The following PLCB4 variants were observed in gnomAD, a reference collection of about 807,000 sequenced individuals.
PLCB4 encodes 1-phosphatidylinositol 4,5-bisphosphate phosphodiesterase beta-4.
PLCB4 carries 77 observed loss-of-function variants against 178.8 expected under a neutral mutation model. The ratio of observed to expected loss-of-function variants is 0.43; its 90% CI spans 0.36 to 0.52. The LOEUF is 0.52. PLCB4 is among the 20% of genes least tolerant of loss of function. The probability of loss-of-function intolerance (pLI) is 0.00; values close to 1 mark genes in which losing one functional copy is unlikely to be tolerated. For missense variants in PLCB4, 1,024 were observed against 1,453.4 expected, an observed-to-expected ratio of 0.70 and a Z score of 4.80; for synonymous variants, 496 against 490.8, an observed-to-expected ratio of 1.01 and a Z score of -0.14.
intron 3 of PLCB4, among the ~76,000 whole-genome samples, chr20:9,282,906 C>G (rs2094506509): frequency 6.6e-6 from 1 of 151,970 alleles, no homozygotes; most frequent in Non-Finnish European, 1.5e-5. Flanking sequence ...ATGATAATCT[C>G]AGGGTTTCAA....
chr20:9,371,043 A>T lies in PLCB4; in HGVS notation c.504-171A>T, dbSNP rs111759328. 77 of 586,662 alleles carry T rather than the reference A, an allele frequency of 1.3e-4. 1 individual carries two copies. The highest frequency in any genetic ancestry group is 1.2e-3 in the African/African-American group (62 of 53,716). The allele number at this position is 586,662 out of a possible 1,614,324, so 36.3% of individuals were successfully genotyped here. On this transcript the variant is annotated intron_variant, in intron 9 of 39. Transcript: ENST00000378473. ...CTAACCAGCTCTGGGAACCAGAGGG[A>T]CACTGGAGGAACTAGTTTGGGAAAT...
At chr20:9,331,449 G>A (rs1408182302) in intron 4 of PLCB4, among the ~76,000 whole-genome samples, 1 of 151,886 alleles carries the variant, frequency 6.6e-6, no homozygotes, top group African/African-American at 2.4e-5. Flanking sequence ...GGAAGTGATG[G>A]CGAGAGAGAG....
intron 35 of PLCB4, 68 bp from the exon 36 acceptor site, chr20:9,468,503 C>G: frequency 1.1e-6 from 1 of 923,382 alleles, no homozygotes; most frequent in East Asian, 2.4e-5. Context: ...CCAGGTGAAT[C>G]TCTCTACCCA....
chr20:9,388,778 G>C (rs1285354225), intron 15 of PLCB4, among the ~76,000 whole-genome samples: 1 of 152,170 alleles, frequency 6.6e-6, no homozygotes, highest in Non-Finnish European at 1.5e-5. Context: ...TCTTAGCCAA[G>C]ATATTGGAGA....
intron 9 of PLCB4, among the ~76,000 whole-genome samples, chr20:9,370,457 G>T (rs192227369): frequency 1.9e-4 from 29 of 152,278 alleles, no homozygotes; most frequent in African/African-American, 6.5e-4. Flanking sequence ...ACAACTGAAG[G>T]CATGGATTGA....
chr20:9,099,378 A>G (rs552962958), intron 2 of PLCB4, among the ~76,000 whole-genome samples: 2 of 152,300 alleles, frequency 1.3e-5, no homozygotes, highest in South Asian at 4.1e-4. Flanking sequence ...TAAACAGTCC[A>G]TTTTCTTGTA....
At chr20:9,440,785 T>A (rs2042057554) in intron 30 of PLCB4, among the ~76,000 whole-genome samples, 1 of 152,040 alleles carries the variant, frequency 6.6e-6, no homozygotes, top group African/African-American at 2.4e-5. Context: ...AATGTTCCAG[T>A]GGGGTAGATA....
intron 2 of PLCB4, among the ~76,000 whole-genome samples, chr20:9,144,760 GA>G: frequency 1.2e-5 from 1 of 85,616 alleles, no homozygotes; most frequent in Non-Finnish European, 2.3e-5. Flanking sequence ...GGAAGGAGGG[GA>G]AGGAGGGGAA....
chr20:9,383,775 A>G (rs1426088256), intron 13 of PLCB4, among the ~76,000 whole-genome samples: 1 of 152,250 alleles, frequency 6.6e-6, no homozygotes, highest in African/African-American at 2.4e-5. Context: ...TCTCGTATCT[A>G]TTCTCATTTC....
At chr20:9,476,614 A>G (rs867743463) in intron 38 of PLCB4, 103 bp from the exon 39 acceptor site, 14 of 807,104 alleles carry the variant, frequency 1.7e-5, no homozygotes, top group Middle Eastern at 2.4e-4. Flanking sequence ...GCTTTTCTGT[A>G]TATGGTTTTG....
intron 7 of PLCB4, among the ~76,000 whole-genome samples, chr20:9,343,867 G>C (rs67577401): frequency 0.07 from 10,686 of 152,178 alleles, 416 homozygotes; most frequent in African/African-American, 0.094. Context: ...CACAAATACT[G>C]TTTGCTCTAC....
intron 7 of PLCB4, among the ~76,000 whole-genome samples, chr20:9,351,109 C>A (rs571173658): frequency 6.7e-6 from 1 of 150,130 alleles, no homozygotes; most frequent in South Asian, 2.1e-4. Flanking sequence ...AGACAGGTTT[C>A]TTTATGGTAG....
intron 3 of PLCB4, among the ~76,000 whole-genome samples, chr20:9,226,627 C>T (rs981682231): frequency 6.6e-6 from 1 of 152,126 alleles, no homozygotes; most frequent in African/African-American, 2.4e-5. Flanking sequence ...TGAGAATCTT[C>T]GTCCCCATTT....
intron 33 of PLCB4, among the ~76,000 whole-genome samples, chr20:9,457,028 A>G (rs759136460): frequency 3.9e-5 from 6 of 152,246 alleles, no homozygotes; most frequent in Non-Finnish European, 4.4e-5. Context: ...ATCTGGCTTT[A>G]TAATGAAATG....
chr20:9,356,495 C>T (rs1322150067), intron 7 of PLCB4, among the ~76,000 whole-genome samples: 2 of 152,142 alleles, frequency 1.3e-5, no homozygotes, highest in Non-Finnish European at 2.9e-5. Flanking sequence ...ACTGAATAGC[C>T]TTCATCTGTA....
At chr20:9,226,216 G>A (rs1172325812) in intron 3 of PLCB4, among the ~76,000 whole-genome samples, 2 of 152,170 alleles carry the variant, frequency 1.3e-5, no homozygotes, top group Non-Finnish European at 2.9e-5. Context: ...CTGGGAGGAG[G>A]CAATCCTCCT....
intron 2 of PLCB4, among the ~76,000 whole-genome samples, chr20:9,109,369 G>A (rs2146680360): frequency 6.6e-6 from 1 of 152,110 alleles, no homozygotes; most frequent in Middle Eastern, 3.4e-3. Flanking sequence ...TAGAATTTTA[G>A]CAGTCTCCCT....
intron 3 of PLCB4, among the ~76,000 whole-genome samples, chr20:9,298,937 A>G (rs950036021): frequency 2.0e-5 from 3 of 152,086 alleles, no homozygotes; most frequent in Non-Finnish European, 4.4e-5. Flanking sequence ...AGCAAAGGCC[A>G]TAGATTTCTT....
At chr20:9,365,328 T>C (rs1012160324) in intron 8 of PLCB4, 133 bp from the exon 9 acceptor site, 6 of 604,466 alleles carry the variant, frequency 9.9e-6, no homozygotes, top group African/African-American at 9.3e-5. Flanking sequence ...AAATTCATCT[T>C]ATAGCACATA....
Sources: gnomAD v4.1 joint callset for allele counts (sites outside exome capture counted in the v4.1 genomes callset) on GRCh38, gnomAD v4.1.1 for gene constraint, MANE v1.5 for transcripts, NCBI Gene and HGNC (gene_info 2026-07-23, HGNC 2026-07-21) for gene names.